The following BSPRY variants were observed in gnomAD, a reference collection of about 807,000 sequenced individuals.
BSPRY encodes B-box and SPRY domain containing, also known as B box and SPRY domain-containing protein.
A neutral mutation model predicts 38.0 loss-of-function variants in BSPRY; 33 were observed. That is an observed-to-expected ratio of 0.87 (90% CI 0.66 to 1.16). BSPRY has a LOEUF of 1.16. Ranked by LOEUF, BSPRY falls within the 50% of genes most tolerant of loss-of-function variation. The probability of loss-of-function intolerance (pLI) is 0.00; values close to 1 mark genes in which losing one functional copy is unlikely to be tolerated. For synonymous variants in BSPRY, 224 were observed against 228.5 expected, an observed-to-expected ratio of 0.98 and a Z score of 0.18; for missense variants, 523 against 533.2, an observed-to-expected ratio of 0.98 and a Z score of 0.19.
Position 113,370,358 on chromosome 9 carries a change from G to C in BSPRY, c.*216G>C. The C allele has an allele frequency of 2.3e-6, 1 of 427,002 alleles. No individual in the cohort carries two copies. The highest frequency in any genetic ancestry group is 4.0e-6 in the Non-Finnish European group (1 of 251,596). The allele number at this position is 427,002 out of a possible 1,614,324, so 26.5% of individuals were successfully genotyped here. On this transcript the variant is annotated 3_prime_UTR_variant, in exon 6 of 6. Transcript: ENST00000374183. The surrounding 1 kb of genome is among the most constrained non-coding windows in gnomAD (Gnocchi z 4.8). ...CTTTTGGCTTCCCTGGGCCACATTT[G>C]AAGAAGAATTTTCTTGGGCCACATA... is the stretch of plus-strand genomic sequence containing the variant.
chr9:113,349,894 G>A (rs1445355362), intron 1 of BSPRY, 114 bp downstream of exon 1: 2 of 1,174,040 alleles, frequency 1.7e-6, no homozygotes, highest in African/African-American at 1.6e-5. Flanking sequence ...CCCGGCCCCG[G>A]AGCCTAGGCT....
Position 113,349,788 on chromosome 9 carries a change from G to A in BSPRY, c.201+8G>A, listed in dbSNP as rs1393036683. 2.5e-5 allele frequency: 31 copies of A among 1,228,742 alleles called. No individual in the cohort carries two copies. The highest frequency in any genetic ancestry group is 3.0e-5 in the Non-Finnish European group (30 of 986,072). 76.1% of individuals were successfully genotyped at this position (1,228,742 alleles called of 1,614,324 possible). On this transcript the variant is annotated splice_region_variant and intron_variant, in intron 1 of 5. Transcript: ENST00000374183. Reference sequence around the variant, plus strand: ...CGCGCCGAGGAGCTGCGGGTGAGCGGGTGTGGGCGCCGGAAGGCGAGGGCT... The same window carrying A: ...CGCGCCGAGGAGCTGCGGGTGAGCGAGTGTGGGCGCCGGAAGGCGAGGGCT...
rs545542231 is a variant in BSPRY at position 113,368,200 on chromosome 9, G to A, written c.558-59G>A. The A allele has an allele frequency of 3.8e-6, 6 of 1,595,842 alleles. No homozygotes were observed. In the South Asian group the frequency reaches 6.7e-5, roughly 18 times the overall value. The stretch of plus-strand genomic sequence containing the variant: ...TCTGTTCTTCTCTTCACCCCATATT[G>A]ATCCAGATATATTTCCAGAACCATC... On this transcript the variant is annotated intron_variant, in intron 4 of 5. Coordinates refer to ENST00000374183, the MANE Select transcript of BSPRY (RefSeq NM_017688.3).
chr9:113,350,299 C>G (rs183161609), intron 1 of BSPRY, among the ~76,000 whole-genome samples: 34 of 152,240 alleles, frequency 2.2e-4, no homozygotes, highest in Admixed American at 1.5e-3. Flanking sequence ...CCCCCCTCCT[C>G]CTTTCGCCTC....
Position 113,369,809 on chromosome 9 carries a change from C to T in BSPRY, c.876C>T (p.Val292=), listed in dbSNP as rs763033041. ...GGCTCCATGCCTGGATGGTGAATGTCCAGAACAGTTGTGCCTATAAGGTGG... is the reference window on the plus strand; with the variant it reads ...GGCTCCATGCCTGGATGGTGAATGTTCAGAACAGTTGTGCCTATAAGGTGG... ...QNGLHAWMVN[V]QNSCAYKVGV... is the part of the protein sequence containing the mutation. The change falls in exon 6 of 6, where the codon GTC becomes GTT. Residue 292 remains valine, a synonymous_variant. Transcript: ENST00000374183. 6.2e-7 allele frequency: 1 copy of T among 1,614,238 alleles called. No individual in the cohort carries two copies. Among genetic ancestry groups the T allele is most frequent in the Non-Finnish European group, 8.5e-7 (1 of 1,180,034 alleles).
chr9:113,362,174 G>GGTGTGTGT lies in BSPRY; in HGVS notation c.532-162_532-155dup, dbSNP rs10600721. Among the ~76,000 whole-genome samples, 921 of 141,328 alleles carry GGTGTGTGT rather than the reference G, an allele frequency of 6.5e-3. 14 individuals carry two copies. Among genetic ancestry groups the GGTGTGTGT allele is most frequent in the South Asian group, 0.027 (117 of 4,414 alleles). The allele number at this position is 141,328 out of a possible 152,430, so 92.7% of individuals were successfully genotyped here. A position where few individuals can be genotyped will look rare whatever the true frequency, so the allele number is the denominator to read the frequency against. On this transcript the variant is annotated intron_variant, in intron 3 of 5. Transcript: ENST00000374183. ...TGATTCATTCTGAGCATGTGTTATGGGTGTGTGTGTGTGTGTGTGTGTGTG... is the reference window on the plus strand; with the variant it reads ...TGATTCATTCTGAGCATGTGTTATGGGTGTGTGTGTGTGTGTGTGTGTGTGTGTGTGTG...
intron 2 of BSPRY, 111 bp downstream of exon 2, chr9:113,354,449 A>G: frequency 1.3e-6 from 1 of 787,892 alleles, no homozygotes. Flanking sequence ...TCATTGTGCT[A>G]CTAGCAAAGC....
rs1279592312 is a variant in BSPRY, at chr9:113,360,591, C to T, written c.385C>T (p.Leu129=). 6.2e-7 allele frequency: 1 copy of T among 1,609,306 alleles called. No homozygotes were observed. The highest frequency in any genetic ancestry group is 8.5e-7 in the Non-Finnish European group (1 of 1,178,952). The change falls in exon 3 of 6, where the codon CTG becomes TTG. Residue 129 remains leucine, a synonymous_variant. Coordinates refer to ENST00000374183, the MANE Select transcript of BSPRY (RefSeq NM_017688.3). ...SLCESEEQRL[L]EQVHGEEERA... ...TTGCGAGAGCGAGGAGCAGCGGTTA[C>T]TGGAACAGGTGCATGGCGAAGAGGA...
intron 4 of BSPRY, 109 bp downstream of exon 4, chr9:113,362,503 AGCTGAGTGGCTT>A: frequency 2.5e-6 from 3 of 1,213,286 alleles, no homozygotes; most frequent in Non-Finnish European, 3.6e-6. Context: ...CAGGGTGTGC[AGCTGAGTGGCTT>A]TTCTGGAGCC....
intron 4 of BSPRY, among the ~76,000 whole-genome samples, chr9:113,366,127 A>G (rs144910335): frequency 3.3e-5 from 5 of 152,140 alleles, no homozygotes; most frequent in East Asian, 1.9e-4. Context: ...TCTAATTCCA[A>G]TGTAACACCT....
chr9:113,364,749 G>A (rs550007793), intron 4 of BSPRY, among the ~76,000 whole-genome samples: 1 of 152,082 alleles, frequency 6.6e-6, no homozygotes, highest in East Asian at 1.9e-4. Flanking sequence ...AGATACTTCA[G>A]CATGTTTCTC....
chr9:113,363,233 GC>G (rs1834183421), intron 4 of BSPRY, among the ~76,000 whole-genome samples: 1 of 152,038 alleles, frequency 6.6e-6, no homozygotes, highest in African/African-American at 2.4e-5. Context: ...GTAGCTTGAA[GC>G]TAGGAGTTTG....
rs73655859 is a variant in BSPRY at position 113,349,843 on chromosome 9, C to T, written c.201+63C>T. The T allele has an allele frequency of 2.6e-4, 318 of 1,206,052 alleles. 2 individuals carry two copies. The African/African-American group carries it at 4.6e-3, about 17-fold the overall frequency. 74.7% of individuals were successfully genotyped at this position (1,206,052 alleles called of 1,614,324 possible). On this transcript the variant is annotated intron_variant, in intron 1 of 5. Transcript: ENST00000374183. ...AGACCCCGGGCGCGCCTGGCGGGAC[C>T]CGGCAGGGACTGGGGAGCCTGGGGC...
rs764868666 is a variant in BSPRY, at chr9:113,349,806, C to G, written c.201+26C>G. 7.4e-6 allele frequency: 9 copies of G among 1,220,670 alleles called. No individual in the cohort carries two copies. In the South Asian group the frequency reaches 2.6e-4, roughly 35 times the overall value. 75.6% of individuals were successfully genotyped at this position (1,220,670 alleles called of 1,614,324 possible). ...GTGAGCGGGTGTGGGCGCCGGAAGG[C>G]GAGGGCTCCGGAGACCCCGGGCGCG... On this transcript the variant is annotated intron_variant, in intron 1 of 5. Transcript: ENST00000374183.
intron 2 of BSPRY, among the ~76,000 whole-genome samples, chr9:113,356,276 G>A (rs1292504287): frequency 6.6e-6 from 1 of 152,068 alleles, no homozygotes; most frequent in Non-Finnish European, 1.5e-5. Flanking sequence ...AGGCTGAGGC[G>A]GGTGGATCAC....
Position 113,369,600 on chromosome 9 carries a change from G to T in BSPRY, c.683-16G>T, listed in dbSNP as rs1162297618. On this transcript the variant is annotated splice_polypyrimidine_tract_variant and intron_variant, in intron 5 of 5. Coordinates refer to ENST00000374183, the MANE Select transcript of BSPRY (RefSeq NM_017688.3). Reference sequence around the variant, plus strand: ...AGGGGTGGGCCCTCGGCAACTCTGAGAATTCTTTCTGGCAGGCACAGAGGA... The same window carrying T: ...AGGGGTGGGCCCTCGGCAACTCTGATAATTCTTTCTGGCAGGCACAGAGGA... 6.3e-7 allele frequency: 1 copy of T among 1,591,278 alleles called. No individual in the cohort carries two copies. Among genetic ancestry groups the T allele is most frequent in the Non-Finnish European group, 8.6e-7 (1 of 1,167,078 alleles).
Position 113,349,602 on chromosome 9 carries a change from C to T in BSPRY, c.23C>T (p.Pro8Leu), listed in dbSNP as rs1457827868. The T allele has an allele frequency of 3.3e-5, 39 of 1,185,588 alleles. No individual in the cohort carries two copies. In the East Asian group the frequency reaches 1.3e-3, roughly 40 times the overall value. 73.4% of individuals were successfully genotyped at this position (1,185,588 alleles called of 1,614,324 possible). The change falls in exon 1 of 6, where the codon CCG (proline) becomes CTG (leucine). Residue 8 changes from proline (P) to leucine (L), a missense_variant. By Grantham distance (98) the Pro-to-Leu change is moderately conservative (BLOSUM62 -3). Coordinates refer to ENST00000374183, the MANE Select transcript of BSPRY (RefSeq NM_017688.3). MSAEGAE[P>L]GPGSGSGPGP... ...GCCATGTCCGCCGAGGGCGCGGAGC[C>T]GGGGCCGGGGTCCGGGTCCGGGCCC...
chr9:113,350,292 CCCT>C (rs1481482544), intron 1 of BSPRY, among the ~76,000 whole-genome samples: 3 of 152,054 alleles, frequency 2.0e-5, no homozygotes, highest in Admixed American at 1.3e-4. Context: ...CTCAAAGCCC[CCCT>C]CCTCCTTTCG....
At chr9:113,357,158 A>G (rs1041294041) in intron 2 of BSPRY, among the ~76,000 whole-genome samples, 3 of 152,230 alleles carry the variant, frequency 2.0e-5, no homozygotes, top group Non-Finnish European at 4.4e-5. Context: ...CCAAGAAATC[A>G]GCTAATGAAA....
Sources: gnomAD v4.1 joint callset for allele counts (sites outside exome capture counted in the v4.1 genomes callset) on GRCh38, gnomAD v4.1.1 for gene constraint, Gnocchi (gnomAD v3.1) non-coding constraint, MANE v1.5 for transcripts, NCBI Gene and HGNC (gene_info 2026-07-23, HGNC 2026-07-21) for gene names.